The following MCC variants were observed in gnomAD, a reference collection of about 807,000 sequenced individuals.
The protein encoded by MCC is colorectal mutant cancer protein.
Under a neutral mutation model 116.2 loss-of-function variants are expected in MCC, and 90 were observed. That is an observed-to-expected ratio of 0.77 (90% CI 0.65 to 0.92). The LOEUF (loss-of-function observed/expected upper bound fraction) is 0.92. MCC is among the 40% of genes least tolerant of loss of function. MCC has a pLI of 0.00. For missense variants in MCC, 1,516 were observed against 1,312.2 expected, an observed-to-expected ratio of 1.16 and a Z score of -2.40; for synonymous variants, 578 against 510.5, an observed-to-expected ratio of 1.13 and a Z score of -1.78.
intron 2 of MCC, among the ~76,000 whole-genome samples, 150 bp downstream of exon 2, chr5:113,384,814 CAGTG>C (rs1235529410): frequency 6.6e-6 from 1 of 152,144 alleles, no homozygotes; most frequent in Non-Finnish European, 1.5e-5. Flanking sequence ...CTGGGGGAAA[CAGTG>C]AGCACTCCCC....
rs373357677 is a variant in MCC, at chr5:113,027,533, C to T, written c.2880-51G>A. On this transcript the variant is annotated intron_variant, in intron 18 of 18. Coordinates refer to ENST00000408903, the MANE Select transcript of MCC (RefSeq NM_001085377.2). ...TATTAAGATTCATCCTAAGTAGCAT[C>T]GTGACACCATCCTGTCCACTGGATA... 2.2e-4 allele frequency: 343 copies of T among 1,533,506 alleles called. 5 individuals carry two copies. In the South Asian group the frequency reaches 3.5e-3, roughly 16 times the overall value. The allele number at this position is 1,533,506 out of a possible 1,614,324, so 95.0% of individuals were successfully genotyped here. A position where few individuals can be genotyped will look rare whatever the true frequency, so the allele number is the denominator to read the frequency against.
chr5:113,194,670 A>C (rs2150315358), intron 3 of MCC, among the ~76,000 whole-genome samples: 1 of 152,162 alleles, frequency 6.6e-6, no homozygotes, highest in Admixed American at 6.5e-5. Flanking sequence ...AAAAGAAAAG[A>C]AGAAAGAGGA....
chr5:113,163,968 G>T (rs1467011013), intron 3 of MCC, among the ~76,000 whole-genome samples: 5 of 152,022 alleles, frequency 3.3e-5, no homozygotes, highest in Non-Finnish European at 5.9e-5. Context: ...CAGGTTTATT[G>T]TATTTTTTCT....
chr5:113,456,623 A>ATTTTTTTTTTTTTTTTTTTTT (rs34111159), intron 1 of MCC, among the ~76,000 whole-genome samples: 4 of 51,074 alleles, frequency 7.8e-5, no homozygotes, highest in East Asian at 6.8e-4. Flanking sequence ...TGCCCAGCTA[A>ATTTTTTTTTTTTTTTTTTTTT]TTTTTTTTTT....
At chr5:113,075,524 C>T (rs1022854269) in intron 11 of MCC, among the ~76,000 whole-genome samples, 1 of 152,212 alleles carries the variant, frequency 6.6e-6, no homozygotes, top group Non-Finnish European at 1.5e-5. Context: ...TCTTGGAGAA[C>T]TTTTAAGTCT....
At chr5:113,158,491 C>T (rs1760299254) in intron 3 of MCC, among the ~76,000 whole-genome samples, 1 of 152,226 alleles carries the variant, frequency 6.6e-6, no homozygotes, top group Non-Finnish European at 1.5e-5. Context: ...ATGCCAAAAT[C>T]TGCGAATATT....
intron 3 of MCC, among the ~76,000 whole-genome samples, chr5:113,255,976 C>T (rs1581325607): frequency 6.6e-6 from 1 of 152,224 alleles, no homozygotes; most frequent in African/African-American, 2.4e-5. Context: ...GCCACATCAA[C>T]ATTTTTATCC....
chr5:113,156,825 T>C (rs1658620109), intron 3 of MCC, among the ~76,000 whole-genome samples: 1 of 152,210 alleles, frequency 6.6e-6, no homozygotes, highest in South Asian at 2.1e-4. Context: ...CCTGGACATT[T>C]GGCTGCAAGC....
chr5:113,399,342 G>A (rs894156786), intron 1 of MCC, among the ~76,000 whole-genome samples: 5 of 151,980 alleles, frequency 3.3e-5, no homozygotes, highest in Admixed American at 6.6e-5. Context: ...AAAATTAGCC[G>A]GGCGTGGTGG....
At chr5:113,154,852 A>G (rs1034962615) in intron 3 of MCC, among the ~76,000 whole-genome samples, 3 of 152,360 alleles carry the variant, frequency 2.0e-5, no homozygotes, top group African/African-American at 4.8e-5. Context: ...AGGATATTTA[A>G]AATAACCATC....
intron 3 of MCC, among the ~76,000 whole-genome samples, chr5:113,219,412 A>C (rs1352678835): frequency 6.6e-6 from 1 of 152,246 alleles, no homozygotes; most frequent in Non-Finnish European, 1.5e-5. Flanking sequence ...TTAAAATTCA[A>C]TGATCAGCTG....
At chr5:113,109,890 C>T (rs560954290) in intron 6 of MCC, among the ~76,000 whole-genome samples, 65 of 152,288 alleles carry the variant, frequency 4.3e-4, no homozygotes, top group Non-Finnish European at 7.8e-4. Flanking sequence ...AAAACCCTGG[C>T]CCCCACTGCC....
chr5:113,028,798 G>T, intron 18 of MCC, 136 bp downstream of exon 18: 1 of 1,019,536 alleles, frequency 9.8e-7, no homozygotes, highest in East Asian at 2.6e-5. Context: ...AGCCAGGTAG[G>T]GACTCACCCA....
chr5:113,257,411 A>G (rs879390215), intron 3 of MCC, among the ~76,000 whole-genome samples: 1 of 152,142 alleles, frequency 6.6e-6, no homozygotes, highest in African/African-American at 2.4e-5. Flanking sequence ...CAGGAAGGAA[A>G]AACTAAGAGG....
chr5:113,380,203 T>G (rs993121240), intron 2 of MCC, among the ~76,000 whole-genome samples: 3 of 152,200 alleles, frequency 2.0e-5, no homozygotes, highest in Admixed American at 2.0e-4. Flanking sequence ...ACCGAAGTTT[T>G]TCTTAGGCTT....
chr5:113,278,151 G>A (rs997585170), intron 3 of MCC, among the ~76,000 whole-genome samples: 10 of 109,912 alleles, frequency 9.1e-5, no homozygotes, highest in African/African-American at 3.2e-4. Flanking sequence ...GCAAACAGCA[G>A]GGACTTCAGG....
At chr5:113,166,351 A>T (rs1222754553) in intron 3 of MCC, among the ~76,000 whole-genome samples, 1 of 152,188 alleles carries the variant, frequency 6.6e-6, no homozygotes, top group Non-Finnish European at 1.5e-5. Flanking sequence ...GTTAAGCCCC[A>T]CTACTAAAGA....
chr5:113,333,801 G>T (rs998122970), intron 3 of MCC, among the ~76,000 whole-genome samples: 8 of 58,054 alleles, frequency 1.4e-4, no homozygotes, highest in Non-Finnish European at 2.6e-4. Flanking sequence ...ATATATATAT[G>T]TATATATGTA....
At chr5:113,411,892 T>G (rs1205856298) in intron 1 of MCC, among the ~76,000 whole-genome samples, 1 of 152,208 alleles carries the variant, frequency 6.6e-6, no homozygotes, top group African/African-American at 2.4e-5. Flanking sequence ...TTCTAGGGTT[T>G]TTATAGTTTT....
Sources: gnomAD v4.1 joint callset for allele counts (sites outside exome capture counted in the v4.1 genomes callset) on GRCh38, gnomAD v4.1.1 for gene constraint, MANE v1.5 for transcripts, NCBI Gene and HGNC (gene_info 2026-07-23, HGNC 2026-07-21) for gene names.